CEP43: variants seen among roughly 807,000 people sequenced by gnomAD.
The protein encoded by CEP43 is FGFR1 oncogene partner.
Under a neutral mutation model 52.6 loss-of-function variants are expected in CEP43, and 36 were observed. The ratio of observed to expected loss-of-function variants is 0.68; its 90% CI spans 0.52 to 0.90. The LOEUF (loss-of-function observed/expected upper bound fraction) is 0.90. Among genes scored for constraint, CEP43 ranks in the 40% least tolerant of loss-of-function variants. CEP43 has a pLI of 0.00. For missense variants in CEP43, 506 were observed against 472.8 expected (o/e 1.07, Z -0.65); for synonymous variants, 192 against 172.4 (o/e 1.11, Z -0.89).
intron 7 of CEP43, among the ~76,000 whole-genome samples, chr6:167,017,297 T>C (rs1361043974): frequency 3.9e-5 from 6 of 152,262 alleles, no homozygotes; most frequent in African/African-American, 1.4e-4. Context: ...GCCTGGCCAA[T>C]AATGATACAA....
Position 167,048,321 on chromosome 6 carries a change from G to A in CEP43, c.*8343G>A, listed in dbSNP as rs954282533. On this transcript the variant is annotated 3_prime_UTR_variant, in exon 13 of 13. Coordinates refer to ENST00000366847, the MANE Select transcript of CEP43 (RefSeq NM_007045.4). ...ATGCAGGAGGATCATTTGAGCTCAG[G>A]AGTTTGAGACCATTCTGGGCAATAC... is the stretch of plus-strand genomic sequence containing the variant. The A allele has an allele frequency of 6.6e-6, 1 of 152,146 alleles. No individual in the cohort carries two copies. Among genetic ancestry groups the A allele is most frequent in the Non-Finnish European group, 1.5e-5 (1 of 68,068 alleles). 9.4% of individuals were successfully genotyped at this position (152,146 alleles called of 1,614,324 possible).
Position 167,026,674 on chromosome 6 carries a change from G to A in CEP43, c.988+59G>A. ...TTAAAGTGATTATTTTTAGGGTAAG[G>A]CTGTAAAAGAAGTGACTCCGTCTGC... On this transcript the variant is annotated intron_variant, in intron 10 of 12. Coordinates refer to ENST00000366847, the MANE Select transcript of CEP43 (RefSeq NM_007045.4). 2 of 1,109,638 alleles carry A rather than the reference G, an allele frequency of 1.8e-6. 1 individual carries two copies. Among genetic ancestry groups the A allele is most frequent in the South Asian group, 2.6e-5 (2 of 77,648 alleles). 68.7% of individuals were successfully genotyped at this position (1,109,638 alleles called of 1,614,324 possible).
At chr6:167,011,029 CT>C in intron 6 of CEP43, 136 bp downstream of exon 6, 6 of 441,236 alleles carry the variant, frequency 1.4e-5, no homozygotes, top group East Asian at 3.6e-5. Context: ...CTTGAAGGTG[CT>C]TTTTTTCCAT....
rs1221646462 is a variant in CEP43, at chr6:167,045,904, A to G, written c.*5926A>G. 6.6e-6 allele frequency: 1 copy of G among 152,188 alleles called. No individual in the cohort carries two copies. The highest frequency in any genetic ancestry group is 1.9e-4 in the East Asian group (1 of 5,188). 9.4% of individuals were successfully genotyped at this position (152,188 alleles called of 1,614,324 possible). On this transcript the variant is annotated 3_prime_UTR_variant, in exon 13 of 13. Coordinates refer to ENST00000366847, the MANE Select transcript of CEP43 (RefSeq NM_007045.4). Reference sequence around the variant, plus strand: ...GAATGAAGCATGCTTCATCCTGCACATCCCCTCCTGCCCCAGCACCCCTAC... The same window carrying G: ...GAATGAAGCATGCTTCATCCTGCACGTCCCCTCCTGCCCCAGCACCCCTAC...
At chr6:167,018,302 A>G (rs1421367248) in intron 7 of CEP43, among the ~76,000 whole-genome samples, 4 of 152,208 alleles carry the variant, frequency 2.6e-5, no homozygotes, top group Non-Finnish European at 5.9e-5. Flanking sequence ...AGGGGTTTCA[A>G]CATATTTCAT....
intron 10 of CEP43, among the ~76,000 whole-genome samples, chr6:167,029,456 A>C (rs540139633): frequency 1.3e-5 from 2 of 152,324 alleles, no homozygotes; most frequent in South Asian, 4.1e-4. Context: ...AAATCTGAAA[A>C]TCTGAAAGTC....
At position 167,036,792 on chromosome 6, in the gene CEP43, T is replaced by C. The variant is rs556452737; in HGVS notation, c.1125+2821T>C. On this transcript the variant is annotated intron_variant, in intron 12 of 12. Coordinates refer to ENST00000366847, the MANE Select transcript of CEP43 (RefSeq NM_007045.4). Reference sequence around the variant, plus strand: ...ACTAAGGAGGCATGAAAGCCGCCTTTATTAGTTTTGTTTTTGTTTTTGTTT... The same window carrying C: ...ACTAAGGAGGCATGAAAGCCGCCTTCATTAGTTTTGTTTTTGTTTTTGTTT... 13 of 984,516 alleles carry C rather than the reference T, an allele frequency of 1.3e-5. No homozygotes were observed. The African/African-American group carries it at 2.3e-4, about 17-fold the overall frequency. 61.0% of individuals were successfully genotyped at this position (984,516 alleles called of 1,614,324 possible).
intron 7 of CEP43, among the ~76,000 whole-genome samples, chr6:167,015,331 A>G (rs943443155): frequency 1.3e-5 from 2 of 152,196 alleles, no homozygotes; most frequent in Non-Finnish European, 2.9e-5. Flanking sequence ...CATGTGGCCT[A>G]TTGCCAGCCT....
chr6:167,016,979 A>ATTTAT (rs1554275069), intron 7 of CEP43, among the ~76,000 whole-genome samples: 1 of 148,624 alleles, frequency 6.7e-6, no homozygotes, highest in Non-Finnish European at 1.5e-5. Flanking sequence ...AATTTTATTT[A>ATTTAT]TTATTTATTT....
At chr6:167,003,403 C>G in intron 3 of CEP43, 156 bp downstream of exon 3, 1 of 510,852 alleles carries the variant, frequency 2.0e-6, no homozygotes, top group South Asian at 3.3e-5. Flanking sequence ...AATCGTGTTG[C>G]TATTACATAT....
intron 6 of CEP43, among the ~76,000 whole-genome samples, chr6:167,011,365 G>A (rs1232771834): frequency 1.3e-5 from 2 of 152,104 alleles, no homozygotes; most frequent in South Asian, 2.1e-4. Context: ...CTAAGAAAAT[G>A]TATGTACTTT....
At chr6:167,027,168 G>A (rs1780373712) in intron 10 of CEP43, among the ~76,000 whole-genome samples, 1 of 152,208 alleles carries the variant, frequency 6.6e-6, no homozygotes, top group Admixed American at 6.5e-5. Context: ...ATTGTGAGAT[G>A]TGTTCAGTTC....
At chr6:167,021,760 G>C (rs965341131) in intron 7 of CEP43, among the ~76,000 whole-genome samples, 2 of 151,830 alleles carry the variant, frequency 1.3e-5, no homozygotes, top group East Asian at 3.9e-4. Flanking sequence ...ATCAAAATGA[G>C]GTATAGGTTA....
chr6:167,008,667 G>A (rs1779908935), intron 5 of CEP43, among the ~76,000 whole-genome samples: 1 of 151,730 alleles, frequency 6.6e-6, no homozygotes, highest in East Asian at 2.0e-4. Flanking sequence ...AGTAGAGACG[G>A]GGTTTCACCG....
intron 6 of CEP43, among the ~76,000 whole-genome samples, chr6:167,012,789 G>C (rs567367051): frequency 1.3e-5 from 2 of 152,244 alleles, no homozygotes; most frequent in East Asian, 3.9e-4. Context: ...GAGAAGGGGG[G>C]ACTGTCCTGA....
At chr6:167,009,024 G>A (rs6912326) in intron 5 of CEP43, among the ~76,000 whole-genome samples, 2,228 of 152,196 alleles carry the variant, frequency 0.015, 41 homozygotes, top group African/African-American at 0.051. Flanking sequence ...GGAGGCCGAG[G>A]CAGGCGGATC....
intron 6 of CEP43, among the ~76,000 whole-genome samples, chr6:167,011,857 A>G (rs1480234079): frequency 6.6e-6 from 1 of 152,188 alleles, no homozygotes. Flanking sequence ...CTTCACCCGC[A>G]TGATCTGCTC....
At chr6:167,035,117 G>C (rs1780556082) in intron 12 of CEP43, among the ~76,000 whole-genome samples, 1 of 152,186 alleles carries the variant, frequency 6.6e-6, no homozygotes, top group African/African-American at 2.4e-5. Context: ...GCGTCCAGGA[G>C]TCTGGGCTTT....
At chr6:167,000,144 T>C (rs1406058625) in intron 2 of CEP43, 31 bp downstream of exon 2, 4 of 1,465,622 alleles carry the variant, frequency 2.7e-6, no homozygotes, top group Non-Finnish European at 3.8e-6. Flanking sequence ...AACATGGCTG[T>C]ATTCGTTAAT....
Sources: allele counts gnomAD v4.1 joint callset (sites outside exome capture counted in the v4.1 genomes callset), GRCh38; gene constraint gnomAD v4.1.1; transcripts MANE v1.5; gene names NCBI Gene and HGNC (gene_info 2026-07-23, HGNC 2026-07-21).